Variants in PGBD5 observed in about 807,000 individuals in gnomAD.
PGBD5 encodes piggyBac transposable element derived 5, also known as piggyBac transposable element-derived protein 5.
PGBD5 carries 14 observed loss-of-function variants against 47.9 expected under a neutral mutation model. The ratio of observed to expected loss-of-function variants is 0.29; its 90% CI spans 0.19 to 0.46. The LOEUF (loss-of-function observed/expected upper bound fraction) is 0.46. PGBD5 is among the 20% of genes least tolerant of loss of function. The pLI is 1.00. For missense variants in PGBD5, 635 were observed against 716.0 expected, an observed-to-expected ratio of 0.89 and a Z score of 1.29; for synonymous variants, 316 against 306.3, an observed-to-expected ratio of 1.03 and a Z score of -0.33.
chr1:230,421,251 C>A (rs569244919), intron 1 of PGBD5, among the ~76,000 whole-genome samples: 11 of 147,210 alleles, frequency 7.5e-5, no homozygotes, highest in Admixed American at 1.3e-4. Flanking sequence ...TCTTCTGTAT[C>A]CTGTTTGTGG....
At chr1:230,370,380 C>G (rs1667910501) in intron 1 of PGBD5, among the ~76,000 whole-genome samples, 1 of 151,970 alleles carries the variant, frequency 6.6e-6, no homozygotes, top group African/African-American at 2.4e-5. Flanking sequence ...GCTTCCAGAG[C>G]CCAGCTCCAG....
intron 1 of PGBD5, among the ~76,000 whole-genome samples, chr1:230,395,898 A>C (rs1026727422): frequency 0.023 from 110 of 4,708 alleles, no homozygotes; most frequent in Middle Eastern, 0.056. Flanking sequence ...TCTTACTCCC[A>C]CCCTCCTCCC....
chr1:230,420,030 G>T (rs1032805157), intron 1 of PGBD5, among the ~76,000 whole-genome samples: 3 of 152,176 alleles, frequency 2.0e-5, no homozygotes, highest in African/African-American at 4.8e-5. Flanking sequence ...GGAGGCTGAG[G>T]CAGGAGAATC....
At chr1:230,371,202 C>T (rs1020243541) in intron 1 of PGBD5, among the ~76,000 whole-genome samples, 25 of 152,190 alleles carry the variant, frequency 1.6e-4, no homozygotes, top group Non-Finnish European at 2.9e-4. Flanking sequence ...TCTAATTTTG[C>T]CCCATCTTAT....
chr1:230,315,761 ATATAT>A lies in PGBD5; in HGVS notation c.*7659_*7663del, dbSNP rs989737088. On this transcript the variant is annotated 3_prime_UTR_variant, in exon 7 of 7. Coordinates refer to ENST00000391860, the MANE Select transcript of PGBD5 (RefSeq NM_001258311.2). ...ACTGTATGTGTATATATACACATAC[ATATAT>A]TATAGATGTATGCATATATGTATAT... 5.7e-5 allele frequency: 7 copies of A among 122,970 alleles called. No homozygotes were observed. Among genetic ancestry groups the A allele is most frequent in the African/African-American group, 1.1e-4 (4 of 36,214 alleles). The allele number at this position is 122,970 out of a possible 1,614,324, so 7.6% of individuals were successfully genotyped here.
chr1:230,372,562 A>C (rs563652923), intron 1 of PGBD5, among the ~76,000 whole-genome samples: 1 of 152,300 alleles, frequency 6.6e-6, no homozygotes, highest in East Asian at 1.9e-4. Flanking sequence ...AGAACACAGA[A>C]TACTACTCTC....
intron 2 of PGBD5, among the ~76,000 whole-genome samples, chr1:230,354,181 C>T (rs950632764): frequency 6.6e-6 from 1 of 151,698 alleles, no homozygotes; most frequent in African/African-American, 2.4e-5. Context: ...ATGACTTCAT[C>T]TCCTTTGACT....
At chr1:230,379,143 A>G (rs1342289044) in intron 1 of PGBD5, among the ~76,000 whole-genome samples, 1 of 152,134 alleles carries the variant, frequency 6.6e-6, no homozygotes. Flanking sequence ...CTAGATGTCC[A>G]ACTCTAGGGG....
chr1:230,386,717 C>T (rs1425660210), intron 1 of PGBD5, among the ~76,000 whole-genome samples: 1 of 152,050 alleles, frequency 6.6e-6, no homozygotes, highest in African/African-American at 2.4e-5. Flanking sequence ...TTGGTTTTGC[C>T]TTGGAGGTGA....
At chr1:230,353,972 G>A (rs1028220039) in intron 2 of PGBD5, among the ~76,000 whole-genome samples, 1 of 152,188 alleles carries the variant, frequency 6.6e-6, no homozygotes, top group South Asian at 2.1e-4. Flanking sequence ...AGGGCGGGCC[G>A]ATGCTGGCAA....
intron 4 of PGBD5, among the ~76,000 whole-genome samples, chr1:230,335,720 T>A (rs1571827767): frequency 4.2e-3 from 1 of 238 alleles, no homozygotes; most frequent in East Asian, 0.062. Context: ...CAGGTACACA[T>A]ACAGACACAC....
chr1:230,364,864 C>G (rs1466172560), intron 1 of PGBD5, among the ~76,000 whole-genome samples: 1 of 151,902 alleles, frequency 6.6e-6, no homozygotes, highest in African/African-American at 2.4e-5. Flanking sequence ...GCAATAAAAA[C>G]ACAAAATTAG....
intron 1 of PGBD5, among the ~76,000 whole-genome samples, chr1:230,422,301 C>T (rs1485963759): frequency 6.6e-6 from 1 of 152,048 alleles, no homozygotes; most frequent in Non-Finnish European, 1.5e-5. Context: ...CACAAGACTG[C>T]TCAGAATAAG....
At chr1:230,368,127 G>C in intron 1 of PGBD5, 1 of 1,367,938 alleles carries the variant, frequency 7.3e-7, no homozygotes, top group Non-Finnish European at 9.8e-7. Context: ...CACACAGATG[G>C]TGGTGGTGAG....
chr1:230,374,479 A>G (rs1349242997), intron 1 of PGBD5, among the ~76,000 whole-genome samples: 1 of 152,240 alleles, frequency 6.6e-6, no homozygotes, highest in East Asian at 1.9e-4. Context: ...CAATATGAAT[A>G]GTATGATCCA....
At chr1:230,423,022 TAA>T (rs5781584) in intron 1 of PGBD5, among the ~76,000 whole-genome samples, 4 of 142,994 alleles carry the variant, frequency 2.8e-5, no homozygotes, top group African/African-American at 5.1e-5. Context: ...TCTTTCTGAT[TAA>T]AAAAAAAAAA....
At chr1:230,381,617 T>C (rs533450869) in intron 1 of PGBD5, among the ~76,000 whole-genome samples, 3 of 152,362 alleles carry the variant, frequency 2.0e-5, no homozygotes, top group African/African-American at 4.8e-5. Flanking sequence ...CACTACTTTC[T>C]TCTGTCCTAT....
chr1:230,343,603 T>C (rs1667438054), intron 3 of PGBD5, among the ~76,000 whole-genome samples: 1 of 152,310 alleles, frequency 6.6e-6, no homozygotes, highest in African/African-American at 2.4e-5. Context: ...CAGGATCTCA[T>C]GCCAGCATCC....
intron 1 of PGBD5, among the ~76,000 whole-genome samples, chr1:230,419,745 T>A (rs1277796422): frequency 6.6e-6 from 1 of 152,122 alleles, no homozygotes; most frequent in African/African-American, 2.4e-5. Flanking sequence ...ACAACAGATA[T>A]CAAAACCCTT....
Sources: allele counts gnomAD v4.1 joint callset (sites outside exome capture counted in the v4.1 genomes callset), GRCh38; gene constraint gnomAD v4.1.1; transcripts MANE v1.5; gene names NCBI Gene and HGNC (gene_info 2026-07-23, HGNC 2026-07-21).